Variants in SCLT1 observed in about 807,000 individuals in gnomAD.
SCLT1 encodes sodium channel and clathrin linker 1, also known as sodium channel-associated protein 1.
SCLT1 carries 78 observed loss-of-function variants against 112.8 expected under a neutral mutation model. The ratio of observed to expected loss-of-function variants is 0.69; its 90% CI spans 0.58 to 0.83. The LOEUF is 0.83. Among genes scored for constraint, SCLT1 ranks in the 40% least tolerant of loss-of-function variants. The pLI is 0.00. For missense variants in SCLT1, 747 were observed against 770.4 expected, an observed-to-expected ratio of 0.97 and a Z score of 0.36; for synonymous variants, 257 against 254.7, an observed-to-expected ratio of 1.01 and a Z score of -0.09.
intron 2 of SCLT1, among the ~76,000 whole-genome samples, chr4:129,077,338 C>T (rs1014758160): frequency 6.6e-6 from 1 of 152,256 alleles, no homozygotes; most frequent in East Asian, 1.9e-4. Flanking sequence ...AAAGTATGTT[C>T]ATTTAACACA....
intron 2 of SCLT1, among the ~76,000 whole-genome samples, chr4:129,056,549 C>T (rs565101868): frequency 8.9e-4 from 136 of 152,248 alleles, no homozygotes; most frequent in African/African-American, 2.9e-3. Context: ...AATCTTTCAC[C>T]ACCTTGGTAA....
chr4:128,999,738 T>C lies in SCLT1; in HGVS notation c.483A>G (p.Leu161=), dbSNP rs1560945913. Residue 161 remains leucine (L), a synonymous_variant, in exon 7 of 21, where the codon CTA becomes CTG. Coordinates refer to ENST00000281142, the MANE Select transcript of SCLT1 (RefSeq NM_144643.4). ...WQTVSQELDR[L]HKLYQEHMTE... is the part of the protein sequence containing the mutation. ...TCATATGTTCCTGGTAAAGCTTGTG[T>C]AGTCTGTCCAACTCCTGAGAAACAG... 1 of 1,606,610 alleles carries C rather than the reference T, an allele frequency of 6.2e-7. No homozygotes were observed. The highest frequency in any genetic ancestry group is 8.5e-7 in the Non-Finnish European group (1 of 1,174,856).
intron 2 of SCLT1, among the ~76,000 whole-genome samples, chr4:129,062,302 G>A (rs987461320): frequency 3.3e-5 from 5 of 151,954 alleles, no homozygotes; most frequent in Non-Finnish European, 7.4e-5. Context: ...GGTTATTTTT[G>A]TTAAAATGAA....
chr4:129,066,281 T>A (rs568240518), intron 2 of SCLT1, among the ~76,000 whole-genome samples: 2 of 152,102 alleles, frequency 1.3e-5, no homozygotes, highest in South Asian at 2.1e-4. Context: ...AGAAAAAATA[T>A]AACAGAGGAA....
intron 9 of SCLT1, among the ~76,000 whole-genome samples, chr4:128,979,035 A>G (rs1741426301): frequency 6.6e-6 from 1 of 152,168 alleles, no homozygotes. Context: ...ATCTATTAGC[A>G]GGTAATTTGT....
intron 9 of SCLT1, among the ~76,000 whole-genome samples, chr4:128,982,974 C>T (rs1227004045): frequency 2.0e-5 from 3 of 152,102 alleles, no homozygotes; most frequent in Non-Finnish European, 2.9e-5. Flanking sequence ...CCGCAACCTC[C>T]ACCTCCCAGG....
intron 8 of SCLT1, among the ~76,000 whole-genome samples, chr4:128,997,040 T>C (rs1283304244): frequency 1.3e-5 from 2 of 152,038 alleles, no homozygotes; most frequent in Non-Finnish European, 2.9e-5. Context: ...CATTTTGTTC[T>C]GGAGTACTAG....
rs1369287989 is a variant in SCLT1 at position 128,999,718 on chromosome 4, T to C, written c.503A>G (p.His168Arg). Residue 168 changes from histidine (H) to arginine (R), a missense_variant, in exon 7 of 21, where the codon CAT (histidine) becomes CGT (arginine). His to Arg is a conservative substitution (Grantham distance 29). This residue lies in a region of SCLT1 where 723 missense variants were observed against 721.3 expected (regional missense o/e 1.00). Transcript: ENST00000281142. ...TACATGAATCTGGGCCTCAGTCATA[T>C]GTTCCTGGTAAAGCTTGTGTAGTCT... is the stretch of plus-strand genomic sequence containing the variant. ...LDRLHKLYQE[H>R]MTEAQIHVFE... 3 of 1,608,448 alleles carry C rather than the reference T, an allele frequency of 1.9e-6. No individual in the cohort carries two copies. The highest frequency in any genetic ancestry group is 1.7e-6 in the Non-Finnish European group (2 of 1,175,970).
At chr4:128,886,228 T>C (rs1012606677) in intron 20 of SCLT1, among the ~76,000 whole-genome samples, 80 of 152,306 alleles carry the variant, frequency 5.3e-4, no homozygotes, top group African/African-American at 1.8e-3. Flanking sequence ...ACACTTAGAA[T>C]GGATGAATAA....
chr4:128,908,666 C>A (rs367941840), intron 18 of SCLT1, among the ~76,000 whole-genome samples: 46 of 152,190 alleles, frequency 3.0e-4, no homozygotes, highest in African/African-American at 1.0e-3. Context: ...TCCCTGTCTG[C>A]AGCAGAGACA....
At chr4:128,878,717 C>CTCA (rs1225779223) in intron 3 of SCLT1, among the ~76,000 whole-genome samples, 5 of 152,136 alleles carry the variant, frequency 3.3e-5, no homozygotes, top group African/African-American at 1.2e-4. Context: ...ATTGTCATCA[C>CTCA]TCATTGAAGA....
chr4:128,875,629 C>T (rs1732498693), intron 4 of SCLT1, among the ~76,000 whole-genome samples: 1 of 152,140 alleles, frequency 6.6e-6, no homozygotes, highest in Non-Finnish European at 1.5e-5. Flanking sequence ...ATCTTAGTAA[C>T]TTAGATATTG....
At chr4:128,965,382 G>A in intron 10 of SCLT1, 64 bp from the exon 11 acceptor site, 1 of 986,988 alleles carries the variant, frequency 1.0e-6, no homozygotes, top group Admixed American at 2.0e-5. Context: ...CCATTATACA[G>A]CATAAAGAAA....
At chr4:129,052,889 C>T (rs905097187) in intron 2 of SCLT1, among the ~76,000 whole-genome samples, 1 of 152,162 alleles carries the variant, frequency 6.6e-6, no homozygotes, top group Non-Finnish European at 1.5e-5. Context: ...TCCCTCTACA[C>T]ACTGTTTAAA....
At chr4:128,914,996 T>C (rs949867627) in intron 18 of SCLT1, among the ~76,000 whole-genome samples, 5 of 152,080 alleles carry the variant, frequency 3.3e-5, no homozygotes, top group Non-Finnish European at 7.4e-5. Flanking sequence ...CACGGCATAC[T>C]AGAATTCAAG....
intron 18 of SCLT1, among the ~76,000 whole-genome samples, chr4:128,907,849 C>G (rs527527904): frequency 7.2e-5 from 11 of 152,210 alleles, no homozygotes; most frequent in African/African-American, 2.4e-4. Flanking sequence ...GTTTTCCCTG[C>G]AATGTATCCA....
At chr4:129,076,742 T>C (rs1266119985) in intron 2 of SCLT1, among the ~76,000 whole-genome samples, 1 of 152,092 alleles carries the variant, frequency 6.6e-6, no homozygotes, top group Non-Finnish European at 1.5e-5. Flanking sequence ...CTAAGCTTCT[T>C]AAGCAAATCT....
chr4:129,000,593 T>C (rs1174743837), intron 6 of SCLT1, among the ~76,000 whole-genome samples: 1 of 152,026 alleles, frequency 6.6e-6, no homozygotes, highest in Non-Finnish European at 1.5e-5. Context: ...GTTTATATGA[T>C]GTGATGCCAT....
rs577503602 is a variant in SCLT1 at position 128,895,098 on chromosome 4, T to G, written c.1830-3961A>C. 8.5e-5 allele frequency among the ~76,000 whole-genome samples: 13 copies of G among 152,322 alleles called. No individual in the cohort carries two copies. In the South Asian group the frequency reaches 2.5e-3, roughly 29 times the overall value. On this transcript the variant is annotated intron_variant, in intron 18 of 20. Coordinates refer to ENST00000281142, the MANE Select transcript of SCLT1 (RefSeq NM_144643.4). ...CCATCCCAATTCAAGTCCTTAGAAC[T>G]TAATTCTTAGAGTTATTGTAATAAC...
Sources: allele counts gnomAD v4.1 joint callset (sites outside exome capture counted in the v4.1 genomes callset), GRCh38; gene constraint gnomAD v4.1.1; regional missense constraint gnomAD v4.1.1; transcripts MANE v1.5; gene names NCBI Gene and HGNC (gene_info 2026-07-23, HGNC 2026-07-21).